The following CREB1 variants were observed in gnomAD, a reference collection of about 807,000 sequenced individuals.
The protein encoded by CREB1 is cyclic AMP-responsive element-binding protein 1.
A neutral mutation model predicts 42.0 loss-of-function variants in CREB1; 2 were observed. That is an observed-to-expected ratio of 0.05 (90% CI 0.02 to 0.15). The LOEUF is 0.15. CREB1 is among the 10% of genes least tolerant of loss of function. The pLI is 1.00. For missense variants in CREB1, 199 were observed against 388.9 expected (o/e 0.51, Z 4.11); for synonymous variants, 123 against 139.9 (o/e 0.88, Z 0.85).
chr2:207,590,708 T>C (rs1394095440), intron 7 of CREB1, among the ~76,000 whole-genome samples: 1 of 152,160 alleles, frequency 6.6e-6, no homozygotes, highest in South Asian at 2.1e-4. Flanking sequence ...TCACAACTAC[T>C]CAACTCTGCC....
At chr2:207,582,026 G>A (rs2083026734) in intron 7 of CREB1, 2 of 698,870 alleles carry the variant, frequency 2.9e-6, no homozygotes, top group Admixed American at 2.0e-5. Flanking sequence ...CATCACATCC[G>A]GGAGCACATA....
At chr2:207,547,122 G>T (rs1169299547) in intron 1 of CREB1, among the ~76,000 whole-genome samples, 1 of 152,100 alleles carries the variant, frequency 6.6e-6, no homozygotes, top group Admixed American at 6.6e-5. Context: ...CATAACATGT[G>T]CTGTCTCACC....
chr2:207,571,736 T>A (rs1483818724), intron 5 of CREB1: 2 of 455,430 alleles, frequency 4.4e-6, no homozygotes, highest in East Asian at 1.4e-4. Flanking sequence ...TACTTCAGCA[T>A]ACCTGAGGGA....
At chr2:207,536,238 T>G (rs2080864991) in intron 1 of CREB1, among the ~76,000 whole-genome samples, 1 of 152,176 alleles carries the variant, frequency 6.6e-6, no homozygotes, top group Non-Finnish European at 1.5e-5. Flanking sequence ...ACAAATCTCT[T>G]TCCAGAAAAC....
intron 2 of CREB1, among the ~76,000 whole-genome samples, chr2:207,556,445 A>C (rs565081697): frequency 6.6e-6 from 1 of 152,352 alleles, no homozygotes; most frequent in African/African-American, 2.4e-5. Context: ...CTTTCAGATG[A>C]AGGTTCCCAG....
At chr2:207,556,788 G>T (rs538121113) in intron 2 of CREB1, among the ~76,000 whole-genome samples, 1 of 152,270 alleles carries the variant, frequency 6.6e-6, no homozygotes, top group East Asian at 1.9e-4. Context: ...TCAATATAGG[G>T]TCAACAGATA....
chr2:207,590,487 T>G (rs1374260457), intron 7 of CREB1, among the ~76,000 whole-genome samples: 2 of 152,086 alleles, frequency 1.3e-5, no homozygotes, highest in Non-Finnish European at 2.9e-5. Flanking sequence ...TTCTCCTGCT[T>G]GCTTTGGTTT....
chr2:207,572,773 G>A (rs1413624736), intron 5 of CREB1, among the ~76,000 whole-genome samples: 6 of 150,488 alleles, frequency 4.0e-5, no homozygotes, highest in Admixed American at 3.3e-4. Context: ...CCGAGATAGC[G>A]CCACTGCATT....
intron 5 of CREB1, among the ~76,000 whole-genome samples, chr2:207,573,022 C>A (rs2106557988): frequency 6.6e-6 from 1 of 152,252 alleles, no homozygotes; most frequent in South Asian, 2.1e-4. Context: ...AAATGTGTAT[C>A]TGTCATTTTG....
intron 1 of CREB1, among the ~76,000 whole-genome samples, chr2:207,542,195 C>G (rs1553571315): frequency 6.6e-6 from 1 of 152,172 alleles, no homozygotes; most frequent in Non-Finnish European, 1.5e-5. Flanking sequence ...TTTATGGTAA[C>G]TGTGTTTAAC....
intron 1 of CREB1, among the ~76,000 whole-genome samples, chr2:207,530,755 A>AG (rs903631660): frequency 6.6e-6 from 1 of 151,850 alleles, no homozygotes; most frequent in African/African-American, 2.4e-5. Flanking sequence ...CCGCTTCGCA[A>AG]GGGGAAGAGC....
chr2:207,589,546 CAT>C (rs1435051495), intron 7 of CREB1, among the ~76,000 whole-genome samples: 1 of 152,216 alleles, frequency 6.6e-6, no homozygotes, highest in Non-Finnish European at 1.5e-5. Context: ...GAGATTAGTA[CAT>C]GGACACCTTT....
intron 1 of CREB1, among the ~76,000 whole-genome samples, chr2:207,549,090 C>T (rs1440126403): frequency 1.3e-5 from 2 of 152,180 alleles, no homozygotes; most frequent in Non-Finnish European, 2.9e-5. Context: ...TTTCATTTAT[C>T]ACATTGTCTG....
chr2:207,539,440 A>G (rs1035156327), intron 1 of CREB1, among the ~76,000 whole-genome samples: 2 of 152,066 alleles, frequency 1.3e-5, no homozygotes, highest in African/African-American at 4.8e-5. Context: ...GACTTTATGT[A>G]TTGCCATTTA....
chr2:207,594,321 C>T (rs1039186826), intron 7 of CREB1, among the ~76,000 whole-genome samples: 1 of 152,032 alleles, frequency 6.6e-6, no homozygotes, highest in Non-Finnish European at 1.5e-5. Flanking sequence ...CAGTAGATTT[C>T]CAGAACTTGT....
At chr2:207,566,401 G>C (rs1400552596) in intron 3 of CREB1, among the ~76,000 whole-genome samples, 1 of 152,200 alleles carries the variant, frequency 6.6e-6, no homozygotes, top group Non-Finnish European at 1.5e-5. Flanking sequence ...TGTGCCCCTA[G>C]TTCAGGAAAG....
chr2:207,542,843 T>C (rs774032930), intron 1 of CREB1, among the ~76,000 whole-genome samples: 12 of 152,250 alleles, frequency 7.9e-5, no homozygotes, highest in East Asian at 7.7e-4. Context: ...TTTGGAGTTA[T>C]AATCCACCTA....
chr2:207,566,327 G>T (rs141425017), intron 3 of CREB1, among the ~76,000 whole-genome samples: 10 of 152,128 alleles, frequency 6.6e-5, no homozygotes, highest in African/African-American at 2.4e-4. Context: ...ACGTTTTGAC[G>T]TGGAGCTGAC....
In CREB1 at chr2:207,600,426, C is replaced by T; in HGVS notation, c.*3368C>T. ...CTCCAGCACTCATGATTGATTTTATCTTCTAATTTTCTTCCAAGTATTTTA... is the reference window on the plus strand; with the variant it reads ...CTCCAGCACTCATGATTGATTTTATTTTCTAATTTTCTTCCAAGTATTTTA... On this transcript the variant is annotated 3_prime_UTR_variant, in exon 8 of 8. Coordinates refer to ENST00000353267, the MANE Select transcript of CREB1 (RefSeq NM_004379.5). 5.2e-6 allele frequency: 1 copy of T among 194,028 alleles called. No individual in the cohort carries two copies. Among genetic ancestry groups the T allele is most frequent in the Non-Finnish European group, 1.1e-5 (1 of 93,130 alleles). The allele number at this position is 194,028 out of a possible 1,614,324, so 12.0% of individuals were successfully genotyped here. A position where few individuals can be genotyped will look rare whatever the true frequency, so the allele number is the denominator to read the frequency against.
Sources: gnomAD v4.1 joint callset for allele counts (sites outside exome capture counted in the v4.1 genomes callset) on GRCh38, gnomAD v4.1.1 for gene constraint, MANE v1.5 for transcripts, NCBI Gene and HGNC (gene_info 2026-07-23, HGNC 2026-07-21) for gene names.